The following INO80D variants were observed in gnomAD, a reference collection of about 807,000 sequenced individuals.
INO80D encodes the protein INO80 complex subunit D.
Under a neutral mutation model 87.6 loss-of-function variants are expected in INO80D, and 21 were observed. That is an observed-to-expected ratio of 0.24 (90% CI 0.17 to 0.35). The LOEUF is 0.35. INO80D is among the 10% of genes least tolerant of loss of function. INO80D has a pLI of 1.00. For synonymous variants in INO80D, 440 were observed against 491.0 expected (o/e 0.90, Z 1.37); for missense variants, 982 against 1,280.7 (o/e 0.77, Z 3.56).
At chr2:206,018,880 G>A (rs1688387991) in intron 7 of INO80D, among the ~76,000 whole-genome samples, 1 of 152,206 alleles carries the variant, frequency 6.6e-6, no homozygotes, top group Non-Finnish European at 1.5e-5. Context: ...TTCAGCCGGG[G>A]TGACAGAGTG....
chr2:206,050,901 G>A (rs1472533793), intron 4 of INO80D, among the ~76,000 whole-genome samples: 3 of 152,032 alleles, frequency 2.0e-5, no homozygotes, highest in Non-Finnish European at 4.4e-5. Context: ...CCCGGGAGGC[G>A]GAGCTTGCAG....
intron 5 of INO80D, among the ~76,000 whole-genome samples, chr2:206,034,054 T>G (rs1416607078): frequency 6.6e-6 from 1 of 152,092 alleles, no homozygotes; most frequent in African/African-American, 2.4e-5. Context: ...AAATCAAGAA[T>G]TAGATAACCT....
At chr2:206,046,657 T>C (rs1485644499) in intron 4 of INO80D, 45 bp from the exon 5 acceptor site, 2 of 1,280,178 alleles carry the variant, frequency 1.6e-6, no homozygotes, top group African/African-American at 1.5e-5. Context: ...AGTTTACTTT[T>C]ATTCAAAATT....
At chr2:206,023,271 G>A (rs1438913086) in intron 6 of INO80D, among the ~76,000 whole-genome samples, 1 of 152,052 alleles carries the variant, frequency 6.6e-6, no homozygotes, top group Non-Finnish European at 1.5e-5. Flanking sequence ...TCTAAAATAT[G>A]TAATGTCAAA....
At chr2:206,076,449 AC>A (rs1690119121) in intron 1 of INO80D, among the ~76,000 whole-genome samples, 1 of 152,254 alleles carries the variant, frequency 6.6e-6, no homozygotes. Context: ...GATTTTAAGA[AC>A]CAAACATCTA....
At chr2:206,071,142 A>T (rs929203021) in intron 1 of INO80D, among the ~76,000 whole-genome samples, 1 of 150,678 alleles carries the variant, frequency 6.6e-6, no homozygotes, top group Non-Finnish European at 1.5e-5. Flanking sequence ...TATTTTTAGT[A>T]GAGATGGGGT....
chr2:206,010,062 T>TACACACACACACACACACACAC (rs144790541), intron 8 of INO80D, among the ~76,000 whole-genome samples: 1 of 148,996 alleles, frequency 6.7e-6, no homozygotes, highest in African/African-American at 2.5e-5. Context: ...TGACACTGTC[T>TACACACACACACACACACACAC]ACACACACAC....
chr2:206,048,808 C>T (rs556308170), intron 4 of INO80D, among the ~76,000 whole-genome samples: 3 of 152,222 alleles, frequency 2.0e-5, no homozygotes, highest in Admixed American at 6.5e-5. Flanking sequence ...GCAGGAGGAT[C>T]GACTGACCCT....
Position 206,062,775 on chromosome 2 carries a change from T to C in INO80D, c.218+24A>G, listed in dbSNP as rs1209723036. 6.4e-7 allele frequency: 1 copy of C among 1,566,600 alleles called. No individual in the cohort carries two copies. The highest frequency in any genetic ancestry group is 8.7e-7 in the Non-Finnish European group (1 of 1,155,298). On this transcript the variant is annotated intron_variant, in intron 3 of 10. Transcript: ENST00000403263. This position sits in a 1 kb window ranked among gnomAD's most constrained non-coding sequence, Gnocchi z 4.6. Reference sequence around the variant, plus strand: ...CCAAGCCTGTTAATGAAATCAAGGATTGATTCTCATGATTAGCCCTTACCT... The same window carrying C: ...CCAAGCCTGTTAATGAAATCAAGGACTGATTCTCATGATTAGCCCTTACCT...
At chr2:206,039,825 A>AG in intron 5 of INO80D, among the ~76,000 whole-genome samples, 1 of 150,694 alleles carries the variant, frequency 6.6e-6, no homozygotes, top group African/African-American at 2.4e-5. Context: ...AAAAAAAAAA[A>AG]AAAGAAAGAA....
intron 5 of INO80D, among the ~76,000 whole-genome samples, chr2:206,030,883 A>T (rs1030560365): frequency 2.0e-5 from 3 of 152,108 alleles, no homozygotes; most frequent in African/African-American, 7.2e-5. Flanking sequence ...GAAGGCAGTT[A>T]AAAAATTACT....
chr2:206,023,736 T>C (rs1263850817), intron 6 of INO80D, among the ~76,000 whole-genome samples: 1 of 151,540 alleles, frequency 6.6e-6, no homozygotes, highest in African/African-American at 2.4e-5. Context: ...TATGATACAT[T>C]GTTACATGAT....
rs1687949507 is a variant in INO80D, at chr2:206,003,815, C to A, written c.*553G>T. On this transcript the variant is annotated 3_prime_UTR_variant, in exon 11 of 11. Coordinates refer to ENST00000403263, the MANE Select transcript of INO80D (RefSeq NM_017759.5). ...GGGCACACGCATACTCACAGGCAGTCAAAAGACACATTTTTTTCTTTTAGT... is the reference window on the plus strand; with the variant it reads ...GGGCACACGCATACTCACAGGCAGTAAAAAGACACATTTTTTTCTTTTAGT... 6.2e-6 allele frequency: 1 copy of A among 162,258 alleles called. No homozygotes were observed. Among genetic ancestry groups the A allele is most frequent in the Non-Finnish European group, 1.4e-5 (1 of 72,790 alleles). The allele number at this position is 162,258 out of a possible 1,614,324, so 10.1% of individuals were successfully genotyped here. A position where few individuals can be genotyped will look rare whatever the true frequency, so the allele number is the denominator to read the frequency against.
rs199516103 is a variant in INO80D, at chr2:206,084,271, A to ACCC, written c.-124+1629_-124+1630insGGG. 2.2e-5 allele frequency among the ~76,000 whole-genome samples: 3 copies of ACCC among 137,556 alleles called. No homozygotes were observed. The East Asian group carries it at 6.1e-4, about 28-fold the overall frequency. 90.2% of individuals were successfully genotyped at this position (137,556 alleles called of 152,430 possible). On this transcript the variant is annotated intron_variant, in intron 1 of 10. Coordinates refer to ENST00000403263, the MANE Select transcript of INO80D (RefSeq NM_017759.5). ...CACACACACACACACACACACACAC[A>ACCC]CACCCCAAAACCAAAGTAGTTTTGC... is the stretch of plus-strand genomic sequence containing the variant.
At chr2:206,078,896 G>C (rs1022389261) in intron 1 of INO80D, among the ~76,000 whole-genome samples, 1 of 152,034 alleles carries the variant, frequency 6.6e-6, no homozygotes, top group Non-Finnish European at 1.5e-5. Context: ...TGAGCCAATC[G>C]CACCACTGCA....
At chr2:206,009,532 A>G in intron 9 of INO80D, 45 bp downstream of exon 9, 1 of 1,503,168 alleles carries the variant, frequency 6.7e-7, no homozygotes. Flanking sequence ...TCTGAGAAGA[A>G]TCCCAAAATG....
At chr2:206,015,677 G>A (rs1382607078) in intron 8 of INO80D, among the ~76,000 whole-genome samples, 1 of 152,086 alleles carries the variant, frequency 6.6e-6, no homozygotes, top group East Asian at 1.9e-4. Flanking sequence ...CTGAGGTCAG[G>A]AGTTTGAGAC....
At position 206,041,459 on chromosome 2, in the gene INO80D, G is replaced by A. The variant is rs58354172; in HGVS notation, c.1073+5045C>T. Reference sequence around the variant, plus strand: ...AGATCTCAAAGCAAACACTGTTACTGGGATATAGAGGACCATTTTATAATA... The same window carrying A: ...AGATCTCAAAGCAAACACTGTTACTAGGATATAGAGGACCATTTTATAATA... On this transcript the variant is annotated intron_variant, in intron 5 of 10. Transcript: ENST00000403263. Among the ~76,000 whole-genome samples the A allele has an allele frequency of 7.9e-3, 1,196 of 152,260 alleles. 12 individuals carry two copies. The highest frequency in any genetic ancestry group is 0.027 in the African/African-American group (1,115 of 41,554).
intron 5 of INO80D, among the ~76,000 whole-genome samples, chr2:206,036,446 A>G (rs1688896304): frequency 6.6e-6 from 1 of 152,170 alleles, no homozygotes; most frequent in African/African-American, 2.4e-5. Flanking sequence ...CCTGGATGAG[A>G]TTGGAGACTA....
Sources: allele counts gnomAD v4.1 joint callset (sites outside exome capture counted in the v4.1 genomes callset), GRCh38; gene constraint gnomAD v4.1.1; non-coding constraint Gnocchi (gnomAD v3.1); transcripts MANE v1.5; gene names NCBI Gene and HGNC (gene_info 2026-07-23, HGNC 2026-07-21).